The following HAUS1 variants were observed in gnomAD, a reference collection of about 807,000 sequenced individuals.
The protein encoded by HAUS1 is HAUS augmin like complex subunit 1.
Under a neutral mutation model 38.6 loss-of-function variants are expected in HAUS1, and 25 were observed. That is an observed-to-expected ratio of 0.65 (90% CI 0.47 to 0.91). The LOEUF is 0.91. HAUS1 is among the 40% of genes least tolerant of loss of function. HAUS1 has a pLI of 0.00. For missense variants in HAUS1, 325 were observed against 328.4 expected (o/e 0.99, Z 0.08); for synonymous variants, 109 against 112.9 (o/e 0.97, Z 0.22).
At chr18:46,104,595 C>A (rs72903449) in intron 1 of HAUS1, among the ~76,000 whole-genome samples, 154 bp downstream of exon 1, 11,086 of 152,196 alleles carry the variant, frequency 0.073, 503 homozygotes, top group African/African-American at 0.13. Flanking sequence ...ATCTGCAAGC[C>A]CCCCGTGCTT....
At chr18:46,118,769 C>T (rs957157211) in intron 3 of HAUS1, among the ~76,000 whole-genome samples, 8 of 152,096 alleles carry the variant, frequency 5.3e-5, no homozygotes, top group Non-Finnish European at 1.2e-4. Context: ...ATAATTTATC[C>T]GAGCTACTAA....
intron 2 of HAUS1, among the ~76,000 whole-genome samples, chr18:46,107,702 G>T (rs148603647): frequency 1.3e-5 from 2 of 152,136 alleles, no homozygotes; most frequent in Non-Finnish European, 2.9e-5. Flanking sequence ...TCTATAGCTC[G>T]CTGGACTTGA....
chr18:46,117,598 G>A (rs1911829355), intron 2 of HAUS1, among the ~76,000 whole-genome samples: 1 of 152,094 alleles, frequency 6.6e-6, no homozygotes, highest in Non-Finnish European at 1.5e-5. Context: ...GGAGGCCAAG[G>A]CTGGCAGATC....
intron 4 of HAUS1, chr18:46,121,621 G>A (rs12607480): frequency 0.24 from 36,014 of 151,776 alleles, 5,631 homozygotes; most frequent in African/African-American, 0.43. Flanking sequence ...AAAACAAAAT[G>A]TGGAACACTT....
chr18:46,123,430 G>A lies in HAUS1; in HGVS notation c.666+66G>A, dbSNP rs376723732. ...TACTCCACAGTCTGCTTTTTCATTT[G>A]TTTCTTTTTATTCGGCTTTTATTCA... On this transcript the variant is annotated intron_variant, in intron 6 of 8. Coordinates refer to ENST00000282058, the MANE Select transcript of HAUS1 (RefSeq NM_138443.4). The A allele has an allele frequency of 8.3e-4, 918 of 1,112,694 alleles. 7 individuals carry two copies. In the African/African-American group the frequency reaches 0.012, roughly 14 times the overall value. The allele number at this position is 1,112,694 out of a possible 1,614,324, so 68.9% of individuals were successfully genotyped here. A position where few individuals can be genotyped will look rare whatever the true frequency, so the allele number is the denominator to read the frequency against.
intron 2 of HAUS1, among the ~76,000 whole-genome samples, chr18:46,112,996 C>A (rs1188204775): frequency 1.6e-5 from 1 of 62,090 alleles, no homozygotes; most frequent in Non-Finnish European, 3.1e-5. Flanking sequence ...AATATATATT[C>A]CATATATATG....
intron 2 of HAUS1, among the ~76,000 whole-genome samples, chr18:46,111,089 A>G (rs1237062548): frequency 6.6e-6 from 1 of 151,780 alleles, no homozygotes; most frequent in Non-Finnish European, 1.5e-5. Context: ...TGTTAGCCAG[A>G]ATGGTCTTGA....
At chr18:46,113,841 G>C (rs567775519) in intron 2 of HAUS1, among the ~76,000 whole-genome samples, 21 of 152,236 alleles carry the variant, frequency 1.4e-4, no homozygotes, top group African/African-American at 4.8e-4. Context: ...CTGATTGCTA[G>C]CTGGATTATT....
In HAUS1 at chr18:46,105,263, A is replaced by G. The variant is rs754098014; in HGVS notation, c.100A>G (p.Thr34Ala). 6 of 1,613,712 alleles carry G rather than the reference A, an allele frequency of 3.7e-6. No homozygotes were observed. In the South Asian group the frequency reaches 6.6e-5, roughly 18 times the overall value. ...ACAGTATGAGGTGAACCCACGGACC[A>G]CAGAGATTTTACATCACCTTTCAGA... Reference protein sequence around the residue: ...IPQYEVNPRTTEILHHLSERN... With the variant: ...IPQYEVNPRTAEILHHLSERN... Residue 34 changes from threonine (T) to alanine (A), a missense_variant, in exon 2 of 9, where the codon ACA becomes GCA. Thr to Ala is a moderately conservative substitution (Grantham distance 58). Coordinates refer to ENST00000282058, the MANE Select transcript of HAUS1 (RefSeq NM_138443.4).
intron 2 of HAUS1, among the ~76,000 whole-genome samples, chr18:46,107,018 CA>C (rs138527062): frequency 1.0e-4 from 15 of 149,986 alleles, no homozygotes; most frequent in Admixed American, 8.7e-4. Flanking sequence ...CTCTCAACAA[CA>C]AAAAAAAATT....
In HAUS1 at chr18:46,105,205, G is replaced by A. The variant is rs1375112178; in HGVS notation, c.42G>A (p.Trp14Ter). ...QEERETQVAAWLKKIFGDHPI... is the reference protein window; with the variant it reads ...QEERETQVAA ...CTTTTAATGGTTAGGTTGCTGCGTGGTTAAAAAAAATATTTGGAGATCATC... is the reference window on the plus strand; with the variant it reads ...CTTTTAATGGTTAGGTTGCTGCGTGATTAAAAAAAATATTTGGAGATCATC... The change falls in exon 2 of 9, where the codon TGG becomes TGA. Residue 14 changes from tryptophan (W) to a stop codon, truncating the protein, a stop_gained. Transcript: ENST00000282058. LOFTEE classifies it high-confidence loss of function. 1 of 1,608,954 alleles carries A rather than the reference G, an allele frequency of 6.2e-7. No homozygotes were observed. The highest frequency in any genetic ancestry group is 8.5e-7 in the Non-Finnish European group (1 of 1,177,866).
intron 4 of HAUS1, 152 bp downstream of exon 4, chr18:46,120,212 G>C: frequency 1.8e-6 from 1 of 566,424 alleles, no homozygotes; most frequent in Non-Finnish European, 3.0e-6. Flanking sequence ...AGTGGAGCTG[G>C]AGATGGTTGG....
intron 2 of HAUS1, among the ~76,000 whole-genome samples, chr18:46,106,252 C>CTT (rs1911477253): frequency 6.6e-6 from 1 of 152,078 alleles, no homozygotes; most frequent in Non-Finnish European, 1.5e-5. Flanking sequence ...GGGCGGATCA[C>CTT]AAGGTCAGGA....
intron 1 of HAUS1, 137 bp downstream of exon 1, chr18:46,104,578 C>G (rs1394842377): frequency 7.4e-6 from 5 of 678,468 alleles, no homozygotes; most frequent in Admixed American, 4.1e-5. Flanking sequence ...TTAGTGCCGC[C>G]GTCACTATCT....
Position 46,104,398 on chromosome 18 carries a change from C to T in HAUS1, c.-14C>T. On this transcript the variant is annotated 5_prime_UTR_variant, in exon 1 of 9. Transcript: ENST00000282058. ...CCGCTAGGAGTTCCTAGTAAAGTGG[C>T]GGGAGCCGCAGCTATGGAGCCGCAG... The T allele has an allele frequency of 4.1e-6, 6 of 1,447,842 alleles. No homozygotes were observed. Among genetic ancestry groups the T allele is most frequent in the South Asian group, 1.4e-5 (1 of 70,104 alleles). The allele number at this position is 1,447,842 out of a possible 1,614,324, so 89.7% of individuals were successfully genotyped here.
rs754162187 is a variant in HAUS1 at position 46,123,329 on chromosome 18, T to G, written c.631T>G (p.Ser211Ala). ...EQLSARGMDA[S>A]LSHQSLVALS... is the part of the protein sequence containing the mutation. ...ACTTTCAGCCAGAGGCATGGATGCT[T>G]CTCTGTCTCATCAGTCCTTAGTAGC... Residue 211 changes from serine (S) to alanine (A), a missense_variant, in exon 6 of 9, where the codon TCT (serine) becomes GCT (alanine). Physicochemically the swap from Ser to Ala is moderately conservative, Grantham distance 99. Transcript: ENST00000282058. 6.2e-7 allele frequency: 1 copy of G among 1,612,714 alleles called. No individual in the cohort carries two copies.
intron 2 of HAUS1, among the ~76,000 whole-genome samples, chr18:46,117,761 G>C (rs1911833411): frequency 6.6e-6 from 1 of 152,062 alleles, no homozygotes; most frequent in African/African-American, 2.4e-5. Context: ...TGGCCAACAT[G>C]GTGAAACCCC....
At chr18:46,125,965 A>G in intron 8 of HAUS1, 174 bp downstream of exon 8, 1 of 518,840 alleles carries the variant, frequency 1.9e-6, no homozygotes, top group Non-Finnish European at 3.4e-6. Context: ...GTACGTGTGT[A>G]TATATTTTTT....
At chr18:46,112,284 TATA>T (rs1911658391) in intron 2 of HAUS1, among the ~76,000 whole-genome samples, 1 of 132,250 alleles carries the variant, frequency 7.6e-6, no homozygotes, top group South Asian at 2.2e-4. Flanking sequence ...ATATATAATA[TATA>T]ATGTGTATAT....
Sources: gnomAD v4.1 joint callset for allele counts (sites outside exome capture counted in the v4.1 genomes callset) on GRCh38, gnomAD v4.1.1 for gene constraint, MANE v1.5 for transcripts, NCBI Gene and HGNC (gene_info 2026-07-23, HGNC 2026-07-21) for gene names.